The following ZNF131 variants were observed in gnomAD, a reference collection of about 807,000 sequenced individuals.
ZNF131 encodes zinc finger protein 131.
A neutral mutation model predicts 60.0 loss-of-function variants in ZNF131; 7 were observed. That is an observed-to-expected ratio of 0.12 (90% CI 0.07 to 0.22). The LOEUF is 0.22. ZNF131 is among the 10% of genes least tolerant of loss of function. ZNF131 has a pLI of 1.00. For synonymous variants in ZNF131, 257 were observed against 253.2 expected, an observed-to-expected ratio of 1.01 and a Z score of -0.14; for missense variants, 493 against 740.9, an observed-to-expected ratio of 0.67 and a Z score of 3.88.
Position 43,174,825 on chromosome 5 carries a change from G to C in ZNF131, c.1564G>C (p.Val522Leu). 6.2e-7 allele frequency: 1 copy of C among 1,614,194 alleles called. No individual in the cohort carries two copies. The highest frequency in any genetic ancestry group is 1.1e-5 in the South Asian group (1 of 91,090). ...GAGTGAGCTTCCAGAGCAGGTCCAA[G>C]TGAGTTATCTAGAAGTGGGCCGAAT... ...HMSELPEQVQVSYLEVGRIQT... is the reference protein window; with the variant it reads ...HMSELPEQVQLSYLEVGRIQT... The change falls in exon 7 of 7, where the codon GTG becomes CTG. Residue 522 changes from valine to leucine, a missense_variant. Val to Leu is a conservative substitution (Grantham distance 32). Transcript: ENST00000682664.
chr5:43,163,942 A>G (rs1750058269), intron 5 of ZNF131, among the ~76,000 whole-genome samples: 1 of 152,192 alleles, frequency 6.6e-6, no homozygotes, highest in African/African-American at 2.4e-5. Flanking sequence ...TATCCCCCTC[A>G]CTGTCCAAAC....
chr5:43,170,190 C>T (rs113162161), intron 5 of ZNF131, among the ~76,000 whole-genome samples: 41 of 152,196 alleles, frequency 2.7e-4, no homozygotes, highest in African/African-American at 9.9e-4. Flanking sequence ...GTGATATTGC[C>T]CATCATTTTG....
intron 3 of ZNF131, among the ~76,000 whole-genome samples, chr5:43,136,476 C>CT (rs70991484): frequency 0.1 from 7,134 of 69,774 alleles, 1,620 homozygotes; most frequent in Middle Eastern, 0.16. Context: ...AGGCATCATA[C>CT]TTTTTTTTTT....
chr5:43,138,482 ATC>A (rs1163617226), intron 3 of ZNF131, among the ~76,000 whole-genome samples: 1 of 152,150 alleles, frequency 6.6e-6, no homozygotes, highest in Non-Finnish European at 1.5e-5. Flanking sequence ...GGGAAACCCC[ATC>A]TCTACTAAAA....
intron 6 of ZNF131, among the ~76,000 whole-genome samples, chr5:43,174,115 C>G (rs1751317850): frequency 6.6e-6 from 1 of 152,162 alleles, no homozygotes; most frequent in Non-Finnish European, 1.5e-5. Context: ...GTAATCCCAG[C>G]TACTTGGGAG....
In ZNF131 at chr5:43,175,719, T is replaced by TAAA. The variant is rs59888761; in HGVS notation, c.*599_*601dup. 11,817 of 224,832 alleles carry TAAA rather than the reference T, an allele frequency of 0.053. 97 individuals carry two copies. The highest frequency in any genetic ancestry group is 0.12 in the Middle Eastern group (74 of 608). 13.9% of individuals were successfully genotyped at this position (224,832 alleles called of 1,614,324 possible). On this transcript the variant is annotated 3_prime_UTR_variant, in exon 7 of 7. Transcript: ENST00000682664. ...GGTGGTGGCAAAATTTCTAGAATGT[T>TAAA]AAAAAAAAAAAAAAATCCACACCCA...
At chr5:43,153,309 G>C (rs1748548214) in intron 4 of ZNF131, among the ~76,000 whole-genome samples, 1 of 151,826 alleles carries the variant, frequency 6.6e-6, no homozygotes. Context: ...ATTATTGTTG[G>C]GGGAAAAGAA....
rs1238190465 is a variant in ZNF131, at chr5:43,174,952, T to C, written c.1691T>C (p.Leu564Ser). 1.2e-6 allele frequency: 2 copies of C among 1,614,114 alleles called. No homozygotes were observed. Among genetic ancestry groups the C allele is most frequent in the South Asian group, 2.2e-5 (2 of 91,078 alleles). The change falls in exon 7 of 7, where the codon TTG becomes TCG. Residue 564 changes from leucine (L) to serine (S), a missense_variant. By Grantham distance (145) the Leu-to-Ser change is moderately radical (BLOSUM62 -2). Transcript: ENST00000682664. Reference sequence around the variant, plus strand: ...CAAACTGAACTTCTAGAAGCAGATTTGGACCACGTGACCCCAGAAATCATG... The same window carrying C: ...CAAACTGAACTTCTAGAAGCAGATTCGGACCACGTGACCCCAGAAATCATG... ...EVQTELLEAD[L>S]DHVTPEIMNQ...
At chr5:43,142,818 A>G (rs1747031833) in intron 4 of ZNF131, among the ~76,000 whole-genome samples, 1 of 151,644 alleles carries the variant, frequency 6.6e-6, no homozygotes, top group Non-Finnish European at 1.5e-5. Context: ...TAGCCTCCCA[A>G]GTAGCTGGGA....
chr5:43,152,260 C>A (rs1316944529), intron 4 of ZNF131, among the ~76,000 whole-genome samples: 1 of 152,172 alleles, frequency 6.6e-6, no homozygotes, highest in Non-Finnish European at 1.5e-5. Flanking sequence ...GCTTCAGCAT[C>A]CCAAAGTGCT....
At chr5:43,162,949 ACTT>A (rs1749905307) in intron 5 of ZNF131, among the ~76,000 whole-genome samples, 1 of 77,002 alleles carries the variant, frequency 1.3e-5, no homozygotes, top group Non-Finnish European at 2.9e-5. Context: ...ACATGTTTAT[ACTT>A]CTTTTCTTTT....
At chr5:43,135,853 C>T (rs910445813) in intron 3 of ZNF131, among the ~76,000 whole-genome samples, 6 of 152,216 alleles carry the variant, frequency 3.9e-5, no homozygotes, top group Non-Finnish European at 8.8e-5. Context: ...TGCAGTGGCT[C>T]ACGCCTATAG....
chr5:43,123,882 A>G (rs1744178884), intron 3 of ZNF131: 1 of 152,250 alleles, frequency 6.6e-6, no homozygotes, highest in African/African-American at 2.4e-5. Context: ...TGATTTTTGT[A>G]CTTTCTAGAC....
At position 43,174,914 on chromosome 5, in the gene ZNF131, G is replaced by A; in HGVS notation, c.1653G>A (p.Met551Ile). 2 of 1,614,168 alleles carry A rather than the reference G, an allele frequency of 1.2e-6. No homozygotes were observed. The highest frequency in any genetic ancestry group is 1.7e-6 in the Non-Finnish European group (2 of 1,180,034). ...EELHVERVNQMPVEVQTELLE... is the reference protein window; with the variant it reads ...EELHVERVNQIPVEVQTELLE... ...TGCATGTTGAACGGGTCAATCAAAT[G>A]CCAGTGGAAGTACAAACTGAACTTC... The change falls in exon 7 of 7, where the codon ATG becomes ATA. Residue 551 changes from methionine (M) to isoleucine (I), a missense_variant. By Grantham distance (10) the Met-to-Ile change is conservative (BLOSUM62 1). Around this residue, in one of 7 missense-constraint regions of ZNF131, gnomAD observed 202 missense variants for 221.3 expected, o/e 0.91. Coordinates refer to ENST00000682664, the MANE Select transcript of ZNF131 (RefSeq NM_001330707.2).
At chr5:43,153,759 T>G (rs574509864) in intron 4 of ZNF131, among the ~76,000 whole-genome samples, 17 of 152,324 alleles carry the variant, frequency 1.1e-4, no homozygotes, top group African/African-American at 3.8e-4. Context: ...CAAGAAGACA[T>G]GATCCCTTTC....
intron 3 of ZNF131, among the ~76,000 whole-genome samples, chr5:43,126,270 ATTTTTGGT>A (rs1744537287): frequency 6.6e-6 from 1 of 152,146 alleles, no homozygotes; most frequent in South Asian, 2.1e-4. Context: ...TCTGGAAAAT[ATTTTTGGT>A]TTTTTGGTTT....
chr5:43,130,882 G>C (rs1438529204), intron 3 of ZNF131, among the ~76,000 whole-genome samples: 2 of 138,742 alleles, frequency 1.4e-5, no homozygotes, highest in Non-Finnish European at 3.1e-5. Context: ...TTTGTTTTTT[G>C]AGATGGAGTC....
chr5:43,136,687 A>G (rs545452779), intron 3 of ZNF131, among the ~76,000 whole-genome samples: 9 of 137,578 alleles, frequency 6.5e-5, no homozygotes, highest in African/African-American at 1.1e-4. Flanking sequence ...GAGTTTCACC[A>G]TATCGACCAG....
At chr5:43,150,113 C>T (rs1192705972) in intron 4 of ZNF131, among the ~76,000 whole-genome samples, 5 of 152,162 alleles carry the variant, frequency 3.3e-5, no homozygotes, top group Non-Finnish European at 7.3e-5. Context: ...AGGTGTGTAC[C>T]GTGCTCACAG....
Sources: allele counts gnomAD v4.1 joint callset (sites outside exome capture counted in the v4.1 genomes callset), GRCh38; gene constraint gnomAD v4.1.1; regional missense constraint gnomAD v4.1.1; transcripts MANE v1.5; gene names NCBI Gene and HGNC (gene_info 2026-07-23, HGNC 2026-07-21).